GPC5: variants seen among roughly 807,000 people sequenced by gnomAD.
GPC5 encodes the protein glypican 5, also known as glypican-5.
In GPC5, 47 loss-of-function variants were observed where a neutral mutation model predicts 53.9. That is an observed-to-expected ratio of 0.87 (90% CI 0.69 to 1.11). The LOEUF (loss-of-function observed/expected upper bound fraction) is 1.11. Ranked by LOEUF, GPC5 falls within the 50% of genes most tolerant of loss-of-function variation. The pLI, the probability that GPC5 is intolerant of heterozygous loss-of-function variation, is 0.00. For synonymous variants in GPC5, 286 were observed against 263.3 expected, an observed-to-expected ratio of 1.09 and a Z score of -0.84; for missense variants, 748 against 713.1, an observed-to-expected ratio of 1.05 and a Z score of -0.56.
intron 7 of GPC5, among the ~76,000 whole-genome samples, chr13:92,210,726 T>A (rs1013327594): frequency 6.6e-6 from 1 of 152,196 alleles, no homozygotes; most frequent in Non-Finnish European, 1.5e-5. Flanking sequence ...AGACTATGTA[T>A]ATGTAAGGGA....
intron 7 of GPC5, among the ~76,000 whole-genome samples, chr13:92,659,458 G>A (rs1195938643): frequency 7.0e-6 from 1 of 143,780 alleles, no homozygotes; most frequent in African/African-American, 2.6e-5. Flanking sequence ...AGCTATGCTA[G>A]CCCTTATTTA....
chr13:92,262,432 C>G (rs1472554908), intron 7 of GPC5, among the ~76,000 whole-genome samples: 1 of 152,014 alleles, frequency 6.6e-6, no homozygotes, highest in Non-Finnish European at 1.5e-5. Context: ...GGGTTAAGAC[C>G]TGATATAATA....
chr13:91,935,972 G>A (rs1223399960), intron 6 of GPC5, among the ~76,000 whole-genome samples: 3 of 151,992 alleles, frequency 2.0e-5, no homozygotes, highest in African/African-American at 7.2e-5. Context: ...TACCCAGGTA[G>A]AGAAGTATGA....
chr13:92,446,669 A>G lies in GPC5; in HGVS notation c.1561+301680A>G, dbSNP rs533046250. The G allele has an allele frequency of 8.5e-5, 13 of 152,240 alleles. 1 individual carries two copies. In the South Asian group the frequency reaches 2.3e-3, roughly 27 times the overall value. 9.4% of individuals were successfully genotyped at this position (152,240 alleles called of 1,614,324 possible). Reference sequence around the variant, plus strand: ...CCTAGCAGTGGAATTGCTGGTTCATACAGTAGTTCTATTTTGAGTTTTGTG... The same window carrying G: ...CCTAGCAGTGGAATTGCTGGTTCATGCAGTAGTTCTATTTTGAGTTTTGTG... On this transcript the variant is annotated intron_variant, in intron 7 of 7. Transcript: ENST00000377067.
intron 7 of GPC5, among the ~76,000 whole-genome samples, chr13:92,225,887 C>A (rs367587749): frequency 1.3e-5 from 2 of 152,164 alleles, no homozygotes; most frequent in South Asian, 4.1e-4. Flanking sequence ...GAATAAAATT[C>A]CAAAAATAAA....
intron 7 of GPC5, among the ~76,000 whole-genome samples, chr13:92,311,391 A>G (rs1261961202): frequency 6.6e-6 from 1 of 152,274 alleles, no homozygotes; most frequent in East Asian, 1.9e-4. Flanking sequence ...AACTACATAC[A>G]TTATTTATTC....
At chr13:92,847,696 A>G (rs1878658525) in intron 7 of GPC5, among the ~76,000 whole-genome samples, 1 of 151,258 alleles carries the variant, frequency 6.6e-6, no homozygotes, top group Non-Finnish European at 1.5e-5. Context: ...AGACTGATAC[A>G]CCCTGTCTTT....
At chr13:92,520,771 T>A (rs1881010635) in intron 7 of GPC5, among the ~76,000 whole-genome samples, 1 of 152,054 alleles carries the variant, frequency 6.6e-6, no homozygotes, top group Non-Finnish European at 1.5e-5. Flanking sequence ...GTGTTGGAAG[T>A]TCTGGCCAGG....
chr13:91,603,465 T>C (rs770904981), intron 2 of GPC5, among the ~76,000 whole-genome samples: 1 of 152,182 alleles, frequency 6.6e-6, no homozygotes, highest in Non-Finnish European at 1.5e-5. Context: ...GCAGAAGTGG[T>C]CAGTGGCCCA....
chr13:92,823,330 T>C (rs868051164), intron 7 of GPC5, among the ~76,000 whole-genome samples: 1 of 152,130 alleles, frequency 6.6e-6, no homozygotes, highest in Non-Finnish European at 1.5e-5. Context: ...ATAATGTATA[T>C]AAAATGACTT....
chr13:92,565,509 A>G (rs773990064), intron 7 of GPC5, among the ~76,000 whole-genome samples: 1 of 152,040 alleles, frequency 6.6e-6, no homozygotes, highest in Non-Finnish European at 1.5e-5. Flanking sequence ...CACTGCTACA[A>G]AGTGTTGTGA....
At chr13:92,375,800 G>A (rs2043689284) in intron 7 of GPC5, among the ~76,000 whole-genome samples, 1 of 152,190 alleles carries the variant, frequency 6.6e-6, no homozygotes, top group South Asian at 2.1e-4. Flanking sequence ...GACCCACTGA[G>A]ATAATTTGGT....
At chr13:91,405,729 C>A (rs1877274977) in intron 1 of GPC5, among the ~76,000 whole-genome samples, 1 of 152,140 alleles carries the variant, frequency 6.6e-6, no homozygotes, top group Non-Finnish European at 1.5e-5. Flanking sequence ...TCCTACACTC[C>A]AATGAACCGT....
chr13:92,663,856 C>CCATATA (rs1303598848), intron 7 of GPC5, among the ~76,000 whole-genome samples: 1 of 88,340 alleles, frequency 1.1e-5, no homozygotes, highest in African/African-American at 4.8e-5. Flanking sequence ...CACACACACA[C>CCATATA]TATATATATA....
In GPC5 at chr13:91,728,577, C is replaced by G. The variant is rs747811331; in HGVS notation, c.1066C>G (p.Pro356Ala). The G allele has an allele frequency of 1.9e-6, 3 of 1,612,266 alleles. No homozygotes were observed. Among genetic ancestry groups the G allele is most frequent in the Non-Finnish European group, 1.7e-6 (2 of 1,178,872 alleles). The change falls in exon 4 of 8, where the codon CCC becomes GCC. Residue 356 changes from proline to alanine, a missense_variant. Physicochemically the swap from Pro to Ala is conservative, Grantham distance 27 (BLOSUM62 -1). Transcript: ENST00000377067. ...CCCTGTAAGAACACCCACACAAAGC[C>G]CCCGTTGTTCTTTTGATCAGAGCAA... ...GRPVRTPTQS[P>A]RCSFDQSKEK... is the part of the protein sequence containing the mutation.
chr13:91,608,091 C>A (rs1364376656), intron 2 of GPC5, among the ~76,000 whole-genome samples: 2 of 151,992 alleles, frequency 1.3e-5, no homozygotes, highest in Non-Finnish European at 1.5e-5. Context: ...GATTTTTCCC[C>A]AAGAAATAAT....
intron 1 of GPC5, among the ~76,000 whole-genome samples, chr13:91,443,375 T>C (rs974054563): frequency 6.6e-5 from 10 of 152,178 alleles, no homozygotes; most frequent in Admixed American, 2.6e-4. Context: ...GATGGTCAGA[T>C]GCAAGCCAAC....
At chr13:91,986,303 G>A (rs576259681) in intron 6 of GPC5, among the ~76,000 whole-genome samples, 4 of 151,864 alleles carry the variant, frequency 2.6e-5, no homozygotes, top group African/African-American at 9.7e-5. Flanking sequence ...CTAACCTCGT[G>A]ATCCACCCGC....
chr13:91,488,958 GT>G (rs1883775281), intron 2 of GPC5, among the ~76,000 whole-genome samples: 1 of 152,184 alleles, frequency 6.6e-6, no homozygotes, highest in Non-Finnish European at 1.5e-5. Flanking sequence ...GTCTTTTATG[GT>G]CGTAGCTGTG....
Sources: allele counts gnomAD v4.1 joint callset (sites outside exome capture counted in the v4.1 genomes callset), GRCh38; gene constraint gnomAD v4.1.1; transcripts MANE v1.5; gene names NCBI Gene and HGNC (gene_info 2026-07-23, HGNC 2026-07-21).